Variants in SLC4A4 observed in about 807,000 individuals in gnomAD.
The protein encoded by SLC4A4 is electrogenic sodium bicarbonate cotransporter 1.
A neutral mutation model predicts 111.5 loss-of-function variants in SLC4A4; 27 were observed. The ratio of observed to expected loss-of-function variants is 0.24; its 90% confidence interval spans 0.18 to 0.33. SLC4A4 has a LOEUF of 0.33. Ranked by LOEUF, SLC4A4 falls within the 10% of genes least tolerant of loss-of-function variation. SLC4A4 has a pLI of 1.00. For synonymous variants in SLC4A4, 443 were observed against 463.4 expected (o/e 0.96, Z 0.57); for missense variants, 909 against 1,315.5 (o/e 0.69, Z 4.78).
intron 6 of SLC4A4, among the ~76,000 whole-genome samples, chr4:71,368,297 G>A (rs902742585): frequency 3.3e-4 from 50 of 152,190 alleles, no homozygotes; most frequent in Admixed American, 2.4e-3. Flanking sequence ...AATCTTTGCT[G>A]TGGTCTAAGA....
chr4:71,546,535 T>G lies in SLC4A4; in HGVS notation c.2621+7T>G. 6.2e-7 allele frequency: 1 copy of G among 1,611,318 alleles called. No homozygotes were observed. The highest frequency in any genetic ancestry group is 1.1e-5 in the South Asian group (1 of 90,998). The stretch of plus-strand genomic sequence containing the variant: ...CAAAGTTTCTAGGAGTGAGGTGTGT[T>G]AACTCAGAGGAAAATGGCTCCCGAA... On this transcript the variant is annotated splice_region_variant and intron_variant, in intron 19 of 25. Transcript: ENST00000264485.
intron 1 of SLC4A4, among the ~76,000 whole-genome samples, chr4:71,222,630 C>T (rs1387992536): frequency 1.3e-5 from 2 of 152,140 alleles, no homozygotes; most frequent in African/African-American, 4.8e-5. Flanking sequence ...CAAGTGTACA[C>T]TGAGAGATTT....
chr4:71,405,383 A>T (rs1415323386), intron 7 of SLC4A4, among the ~76,000 whole-genome samples: 3 of 152,080 alleles, frequency 2.0e-5, no homozygotes, highest in Admixed American at 6.6e-5. Flanking sequence ...GTATTGTTCT[A>T]AAATTTGATT....
At chr4:71,119,887 C>A (rs1743369605) in intron 2 of SLC4A4, among the ~76,000 whole-genome samples, 1 of 152,212 alleles carries the variant, frequency 6.6e-6, no homozygotes, top group South Asian at 2.1e-4. Context: ...ACTCTGTCTT[C>A]AGTCATGTCT....
intron 24 of SLC4A4, among the ~76,000 whole-genome samples, chr4:71,564,178 C>CT (rs972502367): frequency 6.7e-6 from 1 of 150,258 alleles, no homozygotes; most frequent in Non-Finnish European, 1.5e-5. Context: ...ATTGATTTTT[C>CT]TTTTTTTTTC....
At chr4:71,106,432 C>T (rs1264171224) in intron 2 of SLC4A4, among the ~76,000 whole-genome samples, 2 of 148,318 alleles carry the variant, frequency 1.3e-5, no homozygotes, top group South Asian at 2.2e-4. Flanking sequence ...GGTATATACC[C>T]AAAGGACTAT....
At chr4:71,480,710 A>G (rs1728794702) in intron 14 of SLC4A4, among the ~76,000 whole-genome samples, 1 of 151,766 alleles carries the variant, frequency 6.6e-6, no homozygotes, top group South Asian at 2.1e-4. Flanking sequence ...AAAACTTTAA[A>G]GTTTCATTAT....
intron 3 of SLC4A4, among the ~76,000 whole-genome samples, chr4:71,284,952 G>A (rs1237145996): frequency 2.6e-5 from 4 of 152,162 alleles, no homozygotes; most frequent in South Asian, 2.1e-4. Context: ...TGATTAGGCC[G>A]TTATTTAGTC....
At chr4:71,105,187 T>A (rs1262639688) in intron 2 of SLC4A4, among the ~76,000 whole-genome samples, 1 of 147,896 alleles carries the variant, frequency 6.8e-6, no homozygotes, top group African/African-American at 2.6e-5. Context: ...TCAAAGAGAA[T>A]AAAATACCTA....
chr4:71,090,658 C>G (rs1742362310), intron 1 of SLC4A4, among the ~76,000 whole-genome samples: 1 of 152,134 alleles, frequency 6.6e-6, no homozygotes, highest in African/African-American at 2.4e-5. Flanking sequence ...AGGCATGCAG[C>G]CAAAATACAC....
intron 12 of SLC4A4, among the ~76,000 whole-genome samples, chr4:71,457,802 C>T (rs141139130): frequency 1.3e-5 from 2 of 152,136 alleles, no homozygotes; most frequent in Non-Finnish European, 2.9e-5. Flanking sequence ...TTCCAGGACC[C>T]CCTTTCCTCC....
intron 5 of SLC4A4, among the ~76,000 whole-genome samples, chr4:71,352,339 G>C (rs1358112774): frequency 6.6e-6 from 1 of 152,002 alleles, no homozygotes; most frequent in East Asian, 1.9e-4. Flanking sequence ...AGGAGAATAA[G>C]GGTCACCAGG....
At chr4:71,552,001 T>G (rs556462876) in intron 20 of SLC4A4, among the ~76,000 whole-genome samples, 2 of 152,032 alleles carry the variant, frequency 1.3e-5, no homozygotes, top group South Asian at 4.2e-4. Context: ...CAGCCATTCT[T>G]CTGGTCTGTA....
At chr4:71,123,458 T>A (rs1209337495) in intron 2 of SLC4A4, among the ~76,000 whole-genome samples, 2 of 152,082 alleles carry the variant, frequency 1.3e-5, no homozygotes, top group African/African-American at 4.8e-5. Flanking sequence ...TTGAAAAAAA[T>A]GAATTCAAAC....
intron 1 of SLC4A4, among the ~76,000 whole-genome samples, chr4:71,230,656 C>A (rs1719356145): frequency 6.6e-6 from 1 of 152,198 alleles, no homozygotes; most frequent in African/African-American, 2.4e-5. Flanking sequence ...TGGTGCCCTG[C>A]TGCTCTCTAG....
At chr4:71,147,567 C>A (rs960332047) in intron 2 of SLC4A4, among the ~76,000 whole-genome samples, 1 of 152,054 alleles carries the variant, frequency 6.6e-6, no homozygotes, top group African/African-American at 2.4e-5. Flanking sequence ...TGATGGAGTA[C>A]AGTTGGAGAA....
chr4:71,293,175 C>T (rs1019892778), intron 3 of SLC4A4, among the ~76,000 whole-genome samples: 1 of 151,452 alleles, frequency 6.6e-6, no homozygotes, highest in East Asian at 1.9e-4. Flanking sequence ...CCTGCCAAGG[C>T]AAAATATGAA....
intron 3 of SLC4A4, among the ~76,000 whole-genome samples, chr4:71,270,116 T>C (rs1486661788): frequency 6.6e-6 from 1 of 152,208 alleles, no homozygotes; most frequent in East Asian, 1.9e-4. Context: ...AGATGAAGTC[T>C]CGCTCTTGTC....
intron 1 of SLC4A4, among the ~76,000 whole-genome samples, chr4:71,234,394 C>T (rs749883504): frequency 2.6e-5 from 4 of 152,206 alleles, no homozygotes; most frequent in Non-Finnish European, 4.4e-5. Flanking sequence ...GAACCAGGGG[C>T]TTAGAGAAGT....
Sources: allele counts gnomAD v4.1 joint callset (sites outside exome capture counted in the v4.1 genomes callset), GRCh38; gene constraint gnomAD v4.1.1; transcripts MANE v1.5; gene names NCBI Gene and HGNC (gene_info 2026-07-23, HGNC 2026-07-21).